Variants in BBS2 observed in about 807,000 individuals in gnomAD.
The protein encoded by BBS2 is Bardet-Biedl syndrome 2.
BBS2 carries 62 observed loss-of-function variants against 83.0 expected under a neutral mutation model. The ratio of observed to expected loss-of-function variants is 0.75; its 90% CI spans 0.61 to 0.92. BBS2 has a LOEUF of 0.92. BBS2 is among the 40% of genes least tolerant of loss of function. The pLI is 0.00. For missense variants in BBS2, 784 were observed against 901.0 expected, an observed-to-expected ratio of 0.87 and a Z score of 1.66; for synonymous variants, 303 against 326.1, an observed-to-expected ratio of 0.93 and a Z score of 0.76.
chr16:56,482,079 A>C (rs1404885868), downstream of BBS2, among the ~76,000 whole-genome samples: 2 of 152,220 alleles, frequency 1.3e-5, no homozygotes, highest in African/African-American at 4.8e-5. Flanking sequence ...TTTAGGTCTA[A>C]GAAGGAAGTT....
chr16:56,514,002 T>C (rs1425233830), intron 2 of BBS2, among the ~76,000 whole-genome samples: 1 of 152,200 alleles, frequency 6.6e-6, no homozygotes, highest in African/African-American at 2.4e-5. Flanking sequence ...AAAAAATAGG[T>C]GTAATTTCTT....
chr16:56,494,985 A>T (rs1465262587), intron 15 of BBS2, among the ~76,000 whole-genome samples: 1 of 151,560 alleles, frequency 6.6e-6, no homozygotes, highest in East Asian at 1.9e-4. Context: ...AAAACTAGCC[A>T]TAAAAATTAA....
In BBS2 at chr16:56,519,977, C is replaced by A. The variant is rs1326778709; in HGVS notation, c.-115G>T. 1 of 924,430 alleles carries A rather than the reference C, an allele frequency of 1.1e-6. No homozygotes were observed. Among genetic ancestry groups the A allele is most frequent in the Non-Finnish European group, 1.7e-6 (1 of 579,394 alleles). 57.3% of individuals were successfully genotyped at this position (924,430 alleles called of 1,614,324 possible). ...ACTACCTGCGCGGCCCCAGCCGCCT[C>A]AGGCCGGACGCGAAACAGCCCGGGA... On this transcript the variant is annotated 5_prime_UTR_variant, in exon 1 of 17. Transcript: ENST00000245157.
chr16:56,484,813 T>C lies in BBS2; in HGVS notation c.2114A>G (p.Asn705Ser), dbSNP rs757160638. 2 of 1,613,996 alleles carry C rather than the reference T, an allele frequency of 1.2e-6. No homozygotes were observed. The highest frequency in any genetic ancestry group is 2.7e-5 in the African/African-American group (2 of 74,942). The change falls in exon 17 of 17, where the codon AAT becomes AGT. Residue 705 changes from asparagine to serine, a missense_variant. By Grantham distance (46) the Asn-to-Ser change is conservative (BLOSUM62 1). Coordinates refer to ENST00000245157, the MANE Select transcript of BBS2 (RefSeq NM_031885.5). ...GATTTTGAACAGTGTGTTGATGTTA[T>C]TGCTTCGAATTGCATCCCGACAAGC... ...ITACRDAIRS[N>S]NINTLFKIMR...
Position 56,506,241 on chromosome 16 carries a change from A to C in BBS2, c.613-17T>G, listed in dbSNP as rs1177905022. ...GGTGACTATCTGCAAAACAATCCAC[A>C]AAAACACAACATCTTTTCATTAAGA... On this transcript the variant is annotated splice_polypyrimidine_tract_variant and intron_variant, in intron 5 of 16. Coordinates refer to ENST00000245157, the MANE Select transcript of BBS2 (RefSeq NM_031885.5). 7 of 1,578,150 alleles carry C rather than the reference A, an allele frequency of 4.4e-6. No individual in the cohort carries two copies. The highest frequency in any genetic ancestry group is 6.1e-6 in the Non-Finnish European group (7 of 1,147,852).
At chr16:56,475,696 T>C in intron 17 of BBS2, 1 of 738,224 alleles carries the variant, frequency 1.4e-6, no homozygotes, top group South Asian at 1.7e-5. Context: ...TGGTTCTAAT[T>C]TCTAGTAGAA....
At chr16:56,471,366 A>T (rs1421481183) in intron 17 of BBS2, among the ~76,000 whole-genome samples, 1 of 142,452 alleles carries the variant, frequency 7.0e-6, no homozygotes, top group Non-Finnish European at 1.6e-5. Flanking sequence ...CATCTCAAAG[A>T]AAAAAAAAAA....
Position 56,509,986 on chromosome 16 carries a change from C to T in BBS2, c.583G>A (p.Glu195Lys). 2 of 1,614,176 alleles carry T rather than the reference C, an allele frequency of 1.2e-6. No individual in the cohort carries two copies. Among genetic ancestry groups the T allele is most frequent in the South Asian group, 1.1e-5 (1 of 91,074 alleles). ...DFDIRVFKED[E>K]IVAEMTETEI... ...GTTTCTGTCATTTCTGCCACAATCT[C>T]ATCTTCCTTAAAAACTCGGATATCA... The change falls in exon 5 of 17, where the codon GAG becomes AAG. Residue 195 changes from glutamate to lysine, a missense_variant. Glu to Lys is a moderately conservative substitution (Grantham distance 56). Coordinates refer to ENST00000245157, the MANE Select transcript of BBS2 (RefSeq NM_031885.5).
In BBS2 at chr16:56,497,273, C is replaced by G. The variant is rs2303282; in HGVS notation, c.1798-194G>C. The G allele has an allele frequency of 0.64, 398,012 of 625,060 alleles. 130,376 individuals carry two copies. Among genetic ancestry groups the G allele is most frequent in the African/African-American group, 0.92 (50,643 of 55,154 alleles). 38.7% of individuals were successfully genotyped at this position (625,060 alleles called of 1,614,324 possible). A position where few individuals can be genotyped will look rare whatever the true frequency, so the allele number is the denominator to read the frequency against. On this transcript the variant is annotated intron_variant, in intron 14 of 16. Coordinates refer to ENST00000245157, the MANE Select transcript of BBS2 (RefSeq NM_031885.5). ...ATCTGTGCTGCCTCCAATTTCAACA[C>G]GACACTCCATGTGAATCTTCCCCAT...
chr16:56,519,913 G>A lies in BBS2; in HGVS notation c.-51C>T, dbSNP rs1194863863. ...GCTGGAAGCTGGAGACAAGCGCAGCGGAGCTGGCCTCACGCGCCCGGGCAA... is the reference window on the plus strand; with the variant it reads ...GCTGGAAGCTGGAGACAAGCGCAGCAGAGCTGGCCTCACGCGCCCGGGCAA... On this transcript the variant is annotated 5_prime_UTR_variant, in exon 1 of 17. Transcript: ENST00000245157. 2.0e-6 allele frequency: 3 copies of A among 1,507,878 alleles called. No individual in the cohort carries two copies. The allele number at this position is 1,507,878 out of a possible 1,614,324, so 93.4% of individuals were successfully genotyped here.
intron 17 of BBS2, among the ~76,000 whole-genome samples, chr16:56,475,858 G>A (rs532909741): frequency 2.6e-5 from 4 of 152,266 alleles, no homozygotes; most frequent in Admixed American, 2.0e-4. Context: ...ACCTTTCTAG[G>A]TATATGCTGG....
downstream of BBS2, among the ~76,000 whole-genome samples, chr16:56,481,788 T>C (rs929433746): frequency 6.6e-6 from 1 of 152,196 alleles, no homozygotes; most frequent in African/African-American, 2.4e-5. Context: ...AAAAGGTAGT[T>C]GCATGTTTTA....
chr16:56,493,557 G>A (rs1303081282), intron 15 of BBS2, among the ~76,000 whole-genome samples: 1 of 151,998 alleles, frequency 6.6e-6, no homozygotes, highest in Non-Finnish European at 1.5e-5. Context: ...CAGAATGAAG[G>A]TCACAGGAAT....
chr16:56,492,159 G>A (rs746785535), intron 15 of BBS2, among the ~76,000 whole-genome samples: 1 of 151,584 alleles, frequency 6.6e-6, no homozygotes, highest in Non-Finnish European at 1.5e-5. Context: ...CTCACTTCCG[G>A]GTATTTATCC....
chr16:56,500,062 C>T, intron 11 of BBS2, 155 bp from the exon 12 acceptor site: 1 of 786,030 alleles, frequency 1.3e-6, no homozygotes, highest in South Asian at 1.5e-5. Flanking sequence ...GGTTAAAGTA[C>T]TACAGTAATA....
chr16:56,480,342 C>CAA (rs1963630128), downstream of BBS2, among the ~76,000 whole-genome samples: 1 of 40,608 alleles, frequency 2.5e-5, no homozygotes, highest in African/African-American at 1.9e-4. Context: ...CCCCCTCACA[C>CAA]ACACACACAC....
intron 15 of BBS2, among the ~76,000 whole-genome samples, chr16:56,495,756 G>A (rs1329990723): frequency 9.1e-5 from 12 of 131,764 alleles, no homozygotes; most frequent in South Asian, 2.6e-4. Flanking sequence ...TTATACAGAC[G>A]TGTGTATATA....
chr16:56,500,537 A>C (rs778423142), intron 11 of BBS2: 1 of 323,990 alleles, frequency 3.1e-6, no homozygotes, highest in Non-Finnish European at 5.8e-6. Flanking sequence ...AGGCAGAAGA[A>C]TTGCTTGAAC....
chr16:56,493,111 A>G (rs1292604093), intron 15 of BBS2, among the ~76,000 whole-genome samples: 3 of 152,114 alleles, frequency 2.0e-5, no homozygotes, highest in Non-Finnish European at 4.4e-5. Flanking sequence ...TGGAGGCTGG[A>G]CACAGTGGCT....
Sources: gnomAD v4.1 joint callset for allele counts (sites outside exome capture counted in the v4.1 genomes callset) on GRCh38, gnomAD v4.1.1 for gene constraint, MANE v1.5 for transcripts, NCBI Gene and HGNC (gene_info 2026-07-23, HGNC 2026-07-21) for gene names.